The following ADGRD1 variants were observed in gnomAD, a reference collection of about 807,000 sequenced individuals.
The protein encoded by ADGRD1 is G-protein coupled receptor 133.
A neutral mutation model predicts 113.4 loss-of-function variants in ADGRD1; 77 were observed. The observed-to-expected ratio is 0.68, with a 90% confidence interval of 0.57 to 0.82. The LOEUF (loss-of-function observed/expected upper bound fraction) is 0.82, where lower values mean the gene tolerates loss of function less well. Among genes scored for constraint, ADGRD1 ranks in the 40% least tolerant of loss-of-function variants. The pLI is 0.00. For missense variants in ADGRD1, 1,036 were observed against 1,139.1 expected (o/e 0.91, Z 1.30); for synonymous variants, 474 against 475.0 (o/e 1.00, Z 0.03).
intron 12 of ADGRD1, among the ~76,000 whole-genome samples, chr12:131,011,018 C>T (rs544848091): frequency 7.4e-4 from 113 of 152,186 alleles, no homozygotes; most frequent in African/African-American, 2.2e-3. Context: ...CTGATGGGCA[C>T]AGGACGGGGC....
intron 15 of ADGRD1, among the ~76,000 whole-genome samples, chr12:131,087,681 C>T (rs1214220677): frequency 6.6e-6 from 1 of 152,122 alleles, no homozygotes; most frequent in Non-Finnish European, 1.5e-5. Flanking sequence ...GAGTGTTTCC[C>T]CTAGAGCAGC....
chr12:131,067,950 G>C, intron 13 of ADGRD1, among the ~76,000 whole-genome samples: 1 of 33,382 alleles, frequency 3.0e-5, no homozygotes. Flanking sequence ...AGCAGGGGCT[G>C]CCCTCTGCCT....
In ADGRD1 at chr12:131,139,178, C is replaced by A. The variant is rs752555634; in HGVS notation, c.2540C>A (p.Thr847Asn). 3.7e-6 allele frequency: 6 copies of A among 1,612,880 alleles called. No homozygotes were observed. The highest frequency in any genetic ancestry group is 5.1e-6 in the Non-Finnish European group (6 of 1,179,718). The change falls in exon 25 of 25, where the codon ACC (threonine) becomes AAC (asparagine). Residue 847 changes from threonine to asparagine, a missense_variant. Transcript: ENST00000261654. Reference sequence around the variant, plus strand: ...CTTTATGCTTTGCAGATGAATGGGACCCGGCCAGGCATGGCCTCCACCAAG... The same window carrying A: ...CTTTATGCTTTGCAGATGAATGGGAACCGGCCAGGCATGGCCTCCACCAAG... Reference protein sequence around the residue: ...KPFHSDLMNGTRPGMASTKLS... With the variant: ...KPFHSDLMNGNRPGMASTKLS...
At chr12:131,092,693 C>T (rs1886991888) in intron 15 of ADGRD1, among the ~76,000 whole-genome samples, 1 of 152,070 alleles carries the variant, frequency 6.6e-6, no homozygotes. Flanking sequence ...AATGCCAGTC[C>T]CCGAGCACCC....
At chr12:131,054,126 CACTT>C (rs1341464191) in intron 13 of ADGRD1, among the ~76,000 whole-genome samples, 1 of 152,176 alleles carries the variant, frequency 6.6e-6, no homozygotes, top group Non-Finnish European at 1.5e-5. Flanking sequence ...AACAAAAACA[CACTT>C]ACTGAGGTGT....
At chr12:131,046,573 G>T (rs370687840) in intron 13 of ADGRD1, among the ~76,000 whole-genome samples, 1 of 105,098 alleles carries the variant, frequency 9.5e-6, no homozygotes, top group Non-Finnish European at 1.9e-5. Context: ...CCTCCCTGGT[G>T]AGTGCTCCCT....
intron 21 of ADGRD1, 32 bp downstream of exon 21, chr12:131,131,848 C>T (rs774908094): frequency 8.8e-6 from 12 of 1,366,320 alleles, no homozygotes; most frequent in African/African-American, 5.7e-5. Flanking sequence ...AGCAGTGCCA[C>T]GGCCCTTCTG....
intron 20 of ADGRD1, among the ~76,000 whole-genome samples, chr12:131,130,525 G>A (rs1382133883): frequency 2.0e-5 from 3 of 152,350 alleles, no homozygotes; most frequent in African/African-American, 4.8e-5. Context: ...CTGGGCGGAG[G>A]GCTCCTGCTG....
At chr12:131,124,699 AAC>A (rs202089805) in intron 20 of ADGRD1, among the ~76,000 whole-genome samples, 27 of 106,880 alleles carry the variant, frequency 2.5e-4, no homozygotes, top group Middle Eastern at 4.9e-3. Context: ...TCTCGGCTGT[AAC>A]ACACACACTG....
intron 13 of ADGRD1, among the ~76,000 whole-genome samples, chr12:131,071,662 G>C (rs1021361445): frequency 5.9e-5 from 9 of 152,346 alleles, no homozygotes; most frequent in Middle Eastern, 3.4e-3. Flanking sequence ...ACTTGTGCAC[G>C]CACTGGCGGG....
At chr12:130,976,751 G>A (rs544889530) in intron 4 of ADGRD1, 1 of 152,168 alleles carries the variant, frequency 6.6e-6, no homozygotes, top group East Asian at 1.9e-4. Flanking sequence ...GCAGGACACA[G>A]TGGCTCACAC....
intron 13 of ADGRD1, among the ~76,000 whole-genome samples, chr12:131,044,595 T>C (rs1882482845): frequency 6.6e-6 from 1 of 152,226 alleles, no homozygotes; most frequent in African/African-American, 2.4e-5. Context: ...ATGCTGGCAG[T>C]GTCCTTTTCA....
chr12:131,053,634 A>G (rs1272145220), intron 13 of ADGRD1, among the ~76,000 whole-genome samples: 1 of 152,206 alleles, frequency 6.6e-6, no homozygotes, highest in Non-Finnish European at 1.5e-5. Context: ...GTGCTAATCA[A>G]CATGGATAAA....
At chr12:130,994,349 T>G (rs1380399371) in intron 8 of ADGRD1, 7 of 394,770 alleles carry the variant, frequency 1.8e-5, no homozygotes, top group Admixed American at 5.2e-5. Flanking sequence ...GTGCCTTCTA[T>G]GCAGTTAGCA....
Position 131,076,858 on chromosome 12 carries a change from G to T in ADGRD1, c.1531G>T (p.Ala511Ser), listed in dbSNP as rs746391447. Residue 511 changes from alanine to serine, a missense_variant, in exon 14 of 25, where the codon GCC becomes TCC. Transcript: ENST00000261654. Reference sequence around the variant, plus strand: ...CAGCAACCGAGTCTTCGTGTACTGCGCCTTCCTGGACTTCAGGTACCCTCT... The same window carrying T: ...CAGCAACCGAGTCTTCGTGTACTGCTCCTTCCTGGACTTCAGGTACCCTCT... ...NSSNRVFVYC[A>S]FLDFSSGEGV... The T allele has an allele frequency of 4.3e-6, 7 of 1,613,916 alleles. No homozygotes were observed. The Admixed American group carries it at 1.2e-4, about 27-fold the overall frequency.
chr12:130,958,569 C>T (rs191231553), intron 2 of ADGRD1, among the ~76,000 whole-genome samples: 8 of 152,262 alleles, frequency 5.3e-5, no homozygotes, highest in African/African-American at 1.7e-4. Context: ...GCTGAAAAGC[C>T]GCATCCCTGG....
At chr12:130,957,795 G>A (rs1869835682) in intron 2 of ADGRD1, 1 of 152,256 alleles carries the variant, frequency 6.6e-6, no homozygotes. Context: ...CCTAGTCTGT[G>A]TGGAAAAGCA....
Position 130,954,494 on chromosome 12 carries a change from G to A in ADGRD1, c.29G>A (p.Trp10Ter). The change falls in exon 1 of 25, where the codon TGG becomes TAG. Residue 10 changes from tryptophan (W) to a stop codon, truncating the protein, a stop_gained. Transcript: ENST00000261654. LOFTEE classifies it high-confidence loss of function. The surrounding 1 kb of genome is among the most constrained non-coding windows in gnomAD (Gnocchi z 4.7). MEKLLRLCCWYSWLLLFYYN... is the reference protein window; with the variant it reads MEKLLRLCC ...GAAAAGCTGCTGCGGCTGTGCTGCT[G>A]GTACTCCTGGCTGCTGCTATTTTAT... 1 of 1,583,962 alleles carries A rather than the reference G, an allele frequency of 6.3e-7. No individual in the cohort carries two copies. The highest frequency in any genetic ancestry group is 8.6e-7 in the Non-Finnish European group (1 of 1,163,228).
intron 18 of ADGRD1, 23 bp from the exon 19 acceptor site, chr12:131,118,362 T>C (rs756556376): frequency 9.5e-6 from 15 of 1,581,400 alleles, no homozygotes; most frequent in African/African-American, 1.4e-5. Flanking sequence ...CAAGTGAACA[T>C]GATATTCTCC....
Sources: gnomAD v4.1 joint callset for allele counts (sites outside exome capture counted in the v4.1 genomes callset) on GRCh38, gnomAD v4.1.1 for gene constraint, Gnocchi (gnomAD v3.1) non-coding constraint, MANE v1.5 for transcripts, NCBI Gene and HGNC (gene_info 2026-07-23, HGNC 2026-07-21) for gene names.